The following PILRB variants were observed in gnomAD, a reference collection of about 807,000 sequenced individuals.
PILRB encodes paired immunoglobulin-like type 2 receptor beta.
PILRB carries 21 observed loss-of-function variants against 20.5 expected under a neutral mutation model. The ratio of observed to expected loss-of-function variants is 1.02; its 90% CI spans 0.72 to 1.47. The LOEUF (loss-of-function observed/expected upper bound fraction) is 1.47, where lower values mean the gene tolerates loss of function less well. PILRB is among the 40% of genes most tolerant of loss of function. The probability of loss-of-function intolerance (pLI) is 0.00; values close to 1 mark genes in which losing one functional copy is unlikely to be tolerated. For synonymous variants in PILRB, 133 were observed against 115.1 expected (o/e 1.16, Z -0.99); for missense variants, 253 against 272.1 (o/e 0.93, Z 0.49).
chr7:100,361,063 G>A (rs1212843644), intron 3 of PILRB, among the ~76,000 whole-genome samples: 2 of 152,140 alleles, frequency 1.3e-5, no homozygotes, highest in Non-Finnish European at 2.9e-5. Context: ...AGCCTCCTGA[G>A]TAGCTGGGAC....
rs1424694430 is a variant in PILRB at position 100,367,671 on chromosome 7, A to C, written c.*294A>C. 7.4e-5 allele frequency: 31 copies of C among 419,864 alleles called. No individual in the cohort carries two copies. The South Asian group carries it at 8.4e-4, about 11-fold the overall frequency. The allele number at this position is 419,864 out of a possible 1,614,324, so 26.0% of individuals were successfully genotyped here. ...GCATTTGGGGGCTGTTTATTATAGC[A>C]GTGCAAAGAGTTCCTTTATCCTCCC... On this transcript the variant is annotated 3_prime_UTR_variant, in exon 4 of 4. Coordinates refer to ENST00000609309, the MANE Select transcript of PILRB (RefSeq NM_178238.4).
intron 3 of PILRB, among the ~76,000 whole-genome samples, chr7:100,365,686 G>A (rs536418709): frequency 2.0e-5 from 3 of 152,106 alleles, no homozygotes; most frequent in African/African-American, 7.2e-5. Flanking sequence ...TGGTGTGGCG[G>A]GGGCACCTGT....
chr7:100,365,230 C>T (rs1790642321), intron 3 of PILRB, among the ~76,000 whole-genome samples: 1 of 152,150 alleles, frequency 6.6e-6, no homozygotes, highest in African/African-American at 2.4e-5. Context: ...GAACTCCTGA[C>T]CTCAGGGGAT....
intron 2 of PILRB, 106 bp downstream of exon 2, chr7:100,359,185 GC>G: frequency 6.5e-7 from 1 of 1,534,266 alleles, no homozygotes; most frequent in Non-Finnish European, 8.9e-7. Context: ...AGAGCTGTTA[GC>G]ATTTCACCTT....
At chr7:100,361,606 T>C (rs1484137607) in intron 3 of PILRB, among the ~76,000 whole-genome samples, 2 of 152,156 alleles carry the variant, frequency 1.3e-5, no homozygotes, top group African/African-American at 4.8e-5. Context: ...GGCAGGAGAA[T>C]TGCTTGAACC....
intron 3 of PILRB, among the ~76,000 whole-genome samples, chr7:100,364,221 C>T (rs532558415): frequency 1.3e-5 from 2 of 152,164 alleles, no homozygotes; most frequent in East Asian, 1.9e-4. Flanking sequence ...GATGACCACT[C>T]GACGAAGAAT....
At chr7:100,366,212 C>A (rs745315761) in intron 3 of PILRB, among the ~76,000 whole-genome samples, 2 of 152,158 alleles carry the variant, frequency 1.3e-5, no homozygotes, top group Non-Finnish European at 2.9e-5. Context: ...CCTTGGCCTC[C>A]CAATCCTGGG....
In PILRB at chr7:100,358,186, G is replaced by A; in HGVS notation, c.-117G>A. 1 of 1,212,334 alleles carries A rather than the reference G, an allele frequency of 8.2e-7. No homozygotes were observed. Among genetic ancestry groups the A allele is most frequent in the Non-Finnish European group, 1.2e-6 (1 of 831,792 alleles). The allele number at this position is 1,212,334 out of a possible 1,614,324, so 75.1% of individuals were successfully genotyped here. A position where few individuals can be genotyped will look rare whatever the true frequency, so the allele number is the denominator to read the frequency against. On this transcript the variant is annotated 5_prime_UTR_variant, in exon 1 of 4. Transcript: ENST00000609309. Reference sequence around the variant, plus strand: ...GTCCCCGGCCCCCACAGCCCTCTGGGGAGCCTCACCCTGGCTCTCCCCACT... The same window carrying A: ...GTCCCCGGCCCCCACAGCCCTCTGGAGAGCCTCACCCTGGCTCTCCCCACT...
Position 100,367,056 on chromosome 7 carries a change from T to C in PILRB, c.656-293T>C, listed in dbSNP as rs2130129961. Among the ~76,000 whole-genome samples the C allele has an allele frequency of 2.0e-5, 3 of 152,134 alleles. 1 individual carries two copies. The Middle Eastern group carries it at 0.01, about 517-fold the overall frequency. The stretch of plus-strand genomic sequence containing the variant: ...AGGTGGGATGGAGACTGCTATCACC[T>C]GGATGCCACCCTGACTCACTGTTGG... On this transcript the variant is annotated intron_variant, in intron 3 of 3. Coordinates refer to ENST00000609309, the MANE Select transcript of PILRB (RefSeq NM_178238.4).
intron 3 of PILRB, among the ~76,000 whole-genome samples, chr7:100,366,243 C>T (rs562138062): frequency 1.3e-5 from 2 of 152,188 alleles, no homozygotes; most frequent in African/African-American, 4.8e-5. Context: ...CGTGAGCCAC[C>T]GCACCCACCT....
chr7:100,360,898 C>T (rs944850642), intron 3 of PILRB, among the ~76,000 whole-genome samples: 1 of 152,056 alleles, frequency 6.6e-6, no homozygotes, highest in Non-Finnish European at 1.5e-5. Context: ...TGGAGGGGAG[C>T]GATGCCTCGT....
rs1019749800 is a variant in PILRB, at chr7:100,359,630, C to G, written c.655+93C>G. ...CTAAGGGACTTCAGAAATATGCAGA[C>G]CCTGCTGGCTCCCCTCAAGCCCACC... On this transcript the variant is annotated intron_variant, in intron 3 of 3. Coordinates refer to ENST00000609309, the MANE Select transcript of PILRB (RefSeq NM_178238.4). 18 of 1,092,268 alleles carry G rather than the reference C, an allele frequency of 1.6e-5. No individual in the cohort carries two copies. The Admixed American group carries it at 2.0e-4, about 12-fold the overall frequency. The allele number at this position is 1,092,268 out of a possible 1,614,324, so 67.7% of individuals were successfully genotyped here.
intron 3 of PILRB, among the ~76,000 whole-genome samples, chr7:100,366,704 T>G (rs1584203087): frequency 1.4e-5 from 2 of 143,094 alleles, no homozygotes; most frequent in South Asian, 2.3e-4. Flanking sequence ...ACAGGCGCGG[T>G]CTCCCTGAGG....
intron 3 of PILRB, among the ~76,000 whole-genome samples, chr7:100,362,433 C>G (rs1039055044): frequency 2.0e-5 from 3 of 152,064 alleles, no homozygotes; most frequent in African/African-American, 7.2e-5. Flanking sequence ...TAGTGCACCC[C>G]ATTAGCAGAA....
Position 100,358,894 on chromosome 7 carries a change from A to T in PILRB, c.269A>T (p.His90Leu), listed in dbSNP as rs200057149. 5.2e-5 allele frequency: 84 copies of T among 1,614,144 alleles called. No homozygotes were observed. In the African/African-American group the frequency reaches 1.1e-3, roughly 21 times the overall value. Reference sequence around the variant, plus strand: ...TACAGCACAAGGCCGCCTTCCATTCACAAGGATTATGTGAACCGGCTCTTT... The same window carrying T: ...TACAGCACAAGGCCGCCTTCCATTCTCAAGGATTATGTGAACCGGCTCTTT... The part of the protein sequence containing the change: ...SFYSTRPPSI[H>L]KDYVNRLFLN... The change falls in exon 2 of 4, where the codon CAC (histidine) becomes CTC (leucine). Residue 90 changes from histidine (H) to leucine (L), a missense_variant. Transcript: ENST00000609309.
rs774776467 is a variant in PILRB, at chr7:100,366,418, C to G, written c.656-931C>G. Among the ~76,000 whole-genome samples the G allele has an allele frequency of 4.6e-5, 7 of 151,812 alleles. No homozygotes were observed. The South Asian group carries it at 6.3e-4, about 14-fold the overall frequency. ...CGTGAGGCCTGGGTTCAGAGGGTGT[C>G]TCTGTGGACGTGGAGCCCTCCCAGG... On this transcript the variant is annotated intron_variant, in intron 3 of 3. Coordinates refer to ENST00000609309, the MANE Select transcript of PILRB (RefSeq NM_178238.4).
At position 100,358,343 on chromosome 7, in the gene PILRB, A is replaced by T. The variant is rs375628554; in HGVS notation, c.41A>T (p.Gln14Leu). Residue 14 changes from glutamine (Q) to leucine (L), a missense_variant, in exon 1 of 4, where the codon CAG (glutamine) becomes CTG (leucine). Physicochemically the swap from Gln to Leu is moderately radical, Grantham distance 113 (BLOSUM62 -2). Coordinates refer to ENST00000609309, the MANE Select transcript of PILRB (RefSeq NM_178238.4). ...PLLLPLLLLLQPPAFLQPGGS... is the reference protein window; with the variant it reads ...PLLLPLLLLLLPPAFLQPGGS... ...CTGCTGCCCCTGCTGCTCCTGCTGC[A>T]GCCGCCAGCATTTCTGCAGCCTGGT... The T allele has an allele frequency of 1.8e-5, 29 of 1,612,630 alleles. No homozygotes were observed. Among genetic ancestry groups the T allele is most frequent in the African/African-American group, 4.0e-5 (3 of 74,936 alleles).
At chr7:100,361,415 G>A (rs1790522555) in intron 3 of PILRB, among the ~76,000 whole-genome samples, 1 of 152,204 alleles carries the variant, frequency 6.6e-6, no homozygotes, top group Admixed American at 6.5e-5. Context: ...CTTCAGGCCA[G>A]GCACGGTGGC....
chr7:100,366,420 C>T (rs1790687688), intron 3 of PILRB, among the ~76,000 whole-genome samples: 1 of 151,844 alleles, frequency 6.6e-6, no homozygotes, highest in Non-Finnish European at 1.5e-5. Flanking sequence ...GAGGGTGTCT[C>T]TGTGGACGTG....
Sources: allele counts gnomAD v4.1 joint callset (sites outside exome capture counted in the v4.1 genomes callset), GRCh38; gene constraint gnomAD v4.1.1; transcripts MANE v1.5; gene names NCBI Gene and HGNC (gene_info 2026-07-23, HGNC 2026-07-21).